NALF1: variants seen among roughly 807,000 people sequenced by gnomAD.
NALF1 encodes the protein family with sequence similarity 155 member A.
In NALF1, 3 loss-of-function variants were observed where a neutral mutation model predicts 48.4. The observed-to-expected ratio is 0.06, with a 90% CI of 0.03 to 0.16. The LOEUF (loss-of-function observed/expected upper bound fraction) is 0.16. Ranked by LOEUF, NALF1 falls within the 10% of genes least tolerant of loss-of-function variation. The pLI is 1.00. For missense variants in NALF1, 526 were observed against 571.5 expected, an observed-to-expected ratio of 0.92 and a Z score of 0.81; for synonymous variants, 262 against 245.7, an observed-to-expected ratio of 1.07 and a Z score of -0.62.
intron 1 of NALF1, among the ~76,000 whole-genome samples, chr13:107,723,318 C>T (rs1231399647): frequency 6.6e-6 from 1 of 152,146 alleles, no homozygotes; most frequent in African/African-American, 2.4e-5. Context: ...TTTGACCTGG[C>T]TTGCATTATA....
At chr13:107,283,963 G>C (rs1881441095) in intron 1 of NALF1, among the ~76,000 whole-genome samples, 1 of 152,096 alleles carries the variant, frequency 6.6e-6, no homozygotes, top group Non-Finnish European at 1.5e-5. Flanking sequence ...CTAAAAGACT[G>C]AAGAAAGACA....
At chr13:107,794,334 C>G (rs1878343677) in intron 1 of NALF1, among the ~76,000 whole-genome samples, 2 of 151,984 alleles carry the variant, frequency 1.3e-5, no homozygotes, top group African/African-American at 4.8e-5. Flanking sequence ...TTGACTTGTC[C>G]CTCTTGAATA....
At chr13:107,815,189 A>G (rs1879125926) in intron 1 of NALF1, among the ~76,000 whole-genome samples, 1 of 152,200 alleles carries the variant, frequency 6.6e-6, no homozygotes, top group South Asian at 2.1e-4. Context: ...TTTGTACTTC[A>G]AAGGGCACTA....
At chr13:107,772,664 A>T (rs1003097167) in intron 1 of NALF1, among the ~76,000 whole-genome samples, 2 of 152,216 alleles carry the variant, frequency 1.3e-5, no homozygotes, top group Non-Finnish European at 2.9e-5. Flanking sequence ...ATGTTCAACG[A>T]GAAAAGAAAT....
At chr13:107,754,892 G>A (rs1275449852) in intron 1 of NALF1, among the ~76,000 whole-genome samples, 1 of 152,154 alleles carries the variant, frequency 6.6e-6, no homozygotes, top group Non-Finnish European at 1.5e-5. Context: ...GGTAAGTACA[G>A]TTTTACTCTT....
At chr13:107,637,006 T>C (rs924752879) in intron 1 of NALF1, among the ~76,000 whole-genome samples, 1 of 151,546 alleles carries the variant, frequency 6.6e-6, no homozygotes, top group Non-Finnish European at 1.5e-5. Context: ...ATTCCTATCA[T>C]GTAAATATTA....
chr13:107,601,458 G>C (rs1336075008), intron 1 of NALF1, among the ~76,000 whole-genome samples: 1 of 152,132 alleles, frequency 6.6e-6, no homozygotes, highest in Non-Finnish European at 1.5e-5. Flanking sequence ...GTGCTCTTCT[G>C]CAAGAATGGA....
intron 1 of NALF1, among the ~76,000 whole-genome samples, chr13:107,377,239 A>G (rs1306782219): frequency 1.3e-5 from 2 of 152,080 alleles, no homozygotes; most frequent in Admixed American, 1.3e-4. Context: ...TCTGCTCTAA[A>G]ATGTGTTCTT....
At chr13:107,651,721 T>TATA (rs1880455126) in intron 1 of NALF1, among the ~76,000 whole-genome samples, 1 of 152,196 alleles carries the variant, frequency 6.6e-6, no homozygotes, top group Non-Finnish European at 1.5e-5. Context: ...TGAACTCAGC[T>TATA]TGTTATGTGA....
chr13:107,474,132 T>A (rs938012825), intron 1 of NALF1, among the ~76,000 whole-genome samples: 3 of 150,646 alleles, frequency 2.0e-5, no homozygotes, highest in South Asian at 2.1e-4. Flanking sequence ...CTGAATAAAA[T>A]TTTTTTTTCT....
chr13:107,444,427 T>C (rs1488883750), intron 1 of NALF1, among the ~76,000 whole-genome samples: 3 of 152,094 alleles, frequency 2.0e-5, no homozygotes, highest in Non-Finnish European at 4.4e-5. Context: ...GGAAGGGGAG[T>C]GGCAACTATG....
At chr13:107,489,099 A>G (rs1263288983) in intron 1 of NALF1, among the ~76,000 whole-genome samples, 1 of 152,166 alleles carries the variant, frequency 6.6e-6, no homozygotes, top group African/African-American at 2.4e-5. Flanking sequence ...AGAACTACAA[A>G]CAACTGCTCA....
At chr13:107,207,423 T>A (rs1313353506) in intron 2 of NALF1, among the ~76,000 whole-genome samples, 1 of 152,194 alleles carries the variant, frequency 6.6e-6, no homozygotes, top group Non-Finnish European at 1.5e-5. Context: ...CAACTTAAAA[T>A]CTGGGAACAA....
Position 107,195,285 on chromosome 13 carries a change from T to C in NALF1, c.1087+15299A>G, listed in dbSNP as rs140970112. On this transcript the variant is annotated intron_variant, in intron 2 of 2. Coordinates refer to ENST00000375915, the MANE Select transcript of NALF1 (RefSeq NM_001080396.3). The stretch of plus-strand genomic sequence containing the variant: ...CCCTAAAACTATTAAGATTAAAATT[T>C]AGAAAATTGTCTTTCCAGGACTCTG... Among the ~76,000 whole-genome samples the C allele has an allele frequency of 3.1e-3, 465 of 152,260 alleles. 1 individual carries two copies. Among genetic ancestry groups the C allele is most frequent in the African/African-American group, 0.011 (437 of 41,564 alleles).
chr13:107,438,847 A>AAAAAAAAAAAAAAAAAAAAAAAAT (rs1224296148), intron 1 of NALF1, among the ~76,000 whole-genome samples: 1 of 148,014 alleles, frequency 6.8e-6, no homozygotes, highest in Non-Finnish European at 1.5e-5. Flanking sequence ...AAAAAAAAAA[A>AAAAAAAAAAAAAAAAAAAAAAAAT]AAAAGAATAA....
At chr13:107,521,980 C>T (rs1031455936) in intron 1 of NALF1, among the ~76,000 whole-genome samples, 5 of 151,920 alleles carry the variant, frequency 3.3e-5, no homozygotes, top group Non-Finnish European at 7.4e-5. Flanking sequence ...CACTCACACA[C>T]AGCGTATCTC....
At chr13:107,848,424 A>G (rs1207492811) in intron 1 of NALF1, among the ~76,000 whole-genome samples, 2 of 152,224 alleles carry the variant, frequency 1.3e-5, no homozygotes, top group African/African-American at 4.8e-5. Context: ...ACTATGGTTC[A>G]TTAATTTGAA....
In NALF1 at chr13:107,866,328, T is replaced by C. The variant is rs1479429932; in HGVS notation, c.269A>G (p.Gln90Arg). Residue 90 changes from glutamine to arginine, a missense_variant, in exon 1 of 3, where the codon CAG becomes CGG. This residue lies in a region of NALF1 where 373 missense variants were observed against 355.5 expected (regional missense o/e 1.05). Coordinates refer to ENST00000375915, the MANE Select transcript of NALF1 (RefSeq NM_001080396.3). The surrounding 1 kb of genome is among the most constrained non-coding windows in gnomAD (Gnocchi z 4.4). ...CTGCCGCCGCTGCTGCTGCTGCTGCTGCCGCTGCCTCTGCTGCTGCTGCTG... is the reference window on the plus strand; with the variant it reads ...CTGCCGCCGCTGCTGCTGCTGCTGCCGCCGCTGCCTCTGCTGCTGCTGCTG... ...QQQQQQQRQR[Q>R]QQQQQRRQQE... The C allele has an allele frequency of 5.6e-6, 9 of 1,609,258 alleles. No homozygotes were observed. Among genetic ancestry groups the C allele is most frequent in the Non-Finnish European group, 7.6e-6 (9 of 1,178,920 alleles).
chr13:107,465,153 CATT>C (rs1566353470), intron 1 of NALF1, among the ~76,000 whole-genome samples: 2 of 151,888 alleles, frequency 1.3e-5, no homozygotes, highest in Non-Finnish European at 2.9e-5. Context: ...CTTCTATTAA[CATT>C]ATGTGAAACT....
Sources: allele counts gnomAD v4.1 joint callset (sites outside exome capture counted in the v4.1 genomes callset), GRCh38; gene constraint gnomAD v4.1.1; regional missense constraint gnomAD v4.1.1; non-coding constraint Gnocchi (gnomAD v3.1); transcripts MANE v1.5; gene names NCBI Gene and HGNC (gene_info 2026-07-23, HGNC 2026-07-21).